Variants in DCAF12 observed in about 807,000 individuals in gnomAD.
The protein encoded by DCAF12 is DDB1 and CUL4 associated factor 12.
In DCAF12, 28 loss-of-function variants were observed where a neutral mutation model predicts 52.8. The observed-to-expected ratio is 0.53, with a 90% CI of 0.39 to 0.73. The LOEUF is 0.73. Ranked by LOEUF, DCAF12 falls within the 30% of genes least tolerant of loss-of-function variation. The pLI is 0.00. For missense variants in DCAF12, 425 were observed against 552.2 expected (o/e 0.77, Z 2.31); for synonymous variants, 196 against 215.5 (o/e 0.91, Z 0.79).
intron 4 of DCAF12, among the ~76,000 whole-genome samples, chr9:34,099,748 C>A (rs188867740): frequency 3.3e-4 from 50 of 151,802 alleles, no homozygotes; most frequent in Admixed American, 1.6e-3. Flanking sequence ...CACACGTCAC[C>A]ATGCCCGGCT....
chr9:34,093,150 T>C (rs1436314586), intron 7 of DCAF12, 136 bp downstream of exon 7: 3 of 1,160,248 alleles, frequency 2.6e-6, no homozygotes, highest in African/African-American at 3.0e-5. Flanking sequence ...CGCCTAGCCA[T>C]CGCTCCCCTT....
At chr9:34,089,372 G>T in intron 8 of DCAF12, 40 bp downstream of exon 8, 1 of 1,548,508 alleles carries the variant, frequency 6.5e-7, no homozygotes, top group Non-Finnish European at 8.7e-7. Context: ...TAATTTTTCT[G>T]TTACTGTGTA....
In DCAF12 at chr9:34,126,525, G is replaced by C. The variant is rs1829253909; in HGVS notation, c.-94C>G. Reference sequence around the variant, plus strand: ...GTCATATACTGGGCCCCGGGGCCGCGCACCTTAGTGCGCCCGGCCCGGAAA... The same window carrying C: ...GTCATATACTGGGCCCCGGGGCCGCCCACCTTAGTGCGCCCGGCCCGGAAA... On this transcript the variant is annotated 5_prime_UTR_variant, in exon 1 of 9. Coordinates refer to ENST00000361264, the MANE Select transcript of DCAF12 (RefSeq NM_015397.4). 7.3e-7 allele frequency: 1 copy of C among 1,361,274 alleles called. No homozygotes were observed. The allele number at this position is 1,361,274 out of a possible 1,614,324, so 84.3% of individuals were successfully genotyped here.
At position 34,098,454 on chromosome 9, in the gene DCAF12, G is replaced by C. The variant is rs140076757; in HGVS notation, c.665C>G (p.Ala222Gly). The C allele has an allele frequency of 1.1e-4, 172 of 1,613,994 alleles. No homozygotes were observed. Among genetic ancestry groups the C allele is most frequent in the Non-Finnish European group, 1.4e-4 (169 of 1,180,028 alleles). Reference sequence around the variant, plus strand: ...AGGGACCCGTGACACATTGTGTCTCGCATCACTTTTGGTCAAAACATCATC... The same window carrying C: ...AGGGACCCGTGACACATTGTGTCTCCCATCACTTTTGGTCAAAACATCATC... ...VTDDVLTKSD[A>G]RHNVSRVPVY... Residue 222 changes from alanine to glycine, a missense_variant, in exon 5 of 9, where the codon GCG becomes GGG. Transcript: ENST00000361264.
At chr9:34,103,706 T>C (rs550084831) in intron 4 of DCAF12, among the ~76,000 whole-genome samples, 3 of 151,566 alleles carry the variant, frequency 2.0e-5, no homozygotes, top group African/African-American at 7.3e-5. Flanking sequence ...ATAGAAATAA[T>C]TAACCGGGTG....
chr9:34,121,061 A>G (rs1563863915), intron 2 of DCAF12, among the ~76,000 whole-genome samples: 1 of 152,088 alleles, frequency 6.6e-6, no homozygotes, highest in East Asian at 1.9e-4. Flanking sequence ...GGCAGAGGTG[A>G]GAGAATCACT....
intron 1 of DCAF12, chr9:34,125,486 G>A (rs1367937981): frequency 3.1e-6 from 2 of 641,242 alleles, no homozygotes; most frequent in Non-Finnish European, 5.6e-6. Context: ...ACTTACCAAT[G>A]TGAATTACAA....
At chr9:34,090,568 T>C (rs1212742068) in intron 7 of DCAF12, among the ~76,000 whole-genome samples, 1 of 152,152 alleles carries the variant, frequency 6.6e-6, no homozygotes, top group Non-Finnish European at 1.5e-5. Context: ...GTGGAACCAG[T>C]ATTTCCTTAT....
At chr9:34,115,525 G>A (rs941791023) in intron 2 of DCAF12, among the ~76,000 whole-genome samples, 1 of 145,918 alleles carries the variant, frequency 6.9e-6, no homozygotes, top group African/African-American at 2.5e-5. Flanking sequence ...CTTGAACCCG[G>A]TAGGCGGAGG....
At position 34,126,473 on chromosome 9, in the gene DCAF12, G is replaced by T. The variant is rs753870584; in HGVS notation, c.-42C>A. The T allele has an allele frequency of 6.3e-7, 1 of 1,588,510 alleles. No individual in the cohort carries two copies. Among genetic ancestry groups the T allele is most frequent in the South Asian group, 1.1e-5 (1 of 89,302 alleles). The stretch of plus-strand genomic sequence containing the variant: ...GCGGCCCCGCAGCCACATGGGGCGG[G>T]GGAAGCGAAGGATAGCAGGACGGCG... On this transcript the variant is annotated 5_prime_UTR_variant, in exon 1 of 9. Transcript: ENST00000361264.
chr9:34,105,376 T>G (rs1354027570), intron 4 of DCAF12, among the ~76,000 whole-genome samples: 1 of 150,790 alleles, frequency 6.6e-6, no homozygotes, highest in African/African-American at 2.4e-5. Context: ...CAGTGAGCCA[T>G]GATGGTGCCA....
At chr9:34,111,992 A>G (rs1829011069) in intron 2 of DCAF12, among the ~76,000 whole-genome samples, 1 of 151,648 alleles carries the variant, frequency 6.6e-6, no homozygotes, top group African/African-American at 2.4e-5. Flanking sequence ...AAAAAAAAAA[A>G]ATTAGCTGGA....
At chr9:34,089,330 T>C in intron 8 of DCAF12, 82 bp downstream of exon 8, 1 of 1,394,430 alleles carries the variant, frequency 7.2e-7, no homozygotes. Context: ...GAGTAGATGG[T>C]GTGTCAGTGG....
At chr9:34,100,161 A>G (rs1828803783) in intron 4 of DCAF12, among the ~76,000 whole-genome samples, 1 of 149,614 alleles carries the variant, frequency 6.7e-6, no homozygotes, top group Non-Finnish European at 1.5e-5. Flanking sequence ...CAGCCTCCTG[A>G]GTAGCTAATA....
chr9:34,117,666 G>A (rs966108359), intron 2 of DCAF12, among the ~76,000 whole-genome samples: 1 of 152,156 alleles, frequency 6.6e-6, no homozygotes, highest in African/African-American at 2.4e-5. Context: ...TGTAATCCCA[G>A]CACTTTGGGA....
chr9:34,106,129 G>A (rs1828900421), intron 4 of DCAF12, among the ~76,000 whole-genome samples: 1 of 147,950 alleles, frequency 6.8e-6, no homozygotes, highest in Non-Finnish European at 1.5e-5. Flanking sequence ...GTCACCCTCT[G>A]TCATGTAGGC....
At chr9:34,111,394 A>G (rs961248784) in intron 2 of DCAF12, among the ~76,000 whole-genome samples, 1 of 152,156 alleles carries the variant, frequency 6.6e-6, no homozygotes, top group Non-Finnish European at 1.5e-5. Flanking sequence ...CCTCTCTTGT[A>G]GGCTCCCAAG....
intron 5 of DCAF12, 54 bp from the exon 6 acceptor site, chr9:34,096,835 GATA>G: frequency 6.5e-7 from 1 of 1,529,312 alleles, no homozygotes. Flanking sequence ...ACTAATGTAC[GATA>G]ATAAGCAGGC....
At chr9:34,106,551 G>A in intron 3 of DCAF12, 57 bp from the exon 4 acceptor site, 1 of 1,402,610 alleles carries the variant, frequency 7.1e-7, no homozygotes. Flanking sequence ...AGTAAAATAA[G>A]GATTGTAATA....
Sources: allele counts gnomAD v4.1 joint callset (sites outside exome capture counted in the v4.1 genomes callset), GRCh38; gene constraint gnomAD v4.1.1; transcripts MANE v1.5; gene names NCBI Gene and HGNC (gene_info 2026-07-23, HGNC 2026-07-21).